TOR1AIP1: variants seen among roughly 807,000 people sequenced by gnomAD.
TOR1AIP1 encodes torsin-1A-interacting protein 1.
Under a neutral mutation model 63.3 loss-of-function variants are expected in TOR1AIP1, and 54 were observed. The observed-to-expected ratio is 0.85, with a 90% CI of 0.69 to 1.07. The LOEUF is 1.07. Ranked by LOEUF, TOR1AIP1 falls within the 50% of genes least tolerant of loss-of-function variation. The pLI is 0.00. For synonymous variants in TOR1AIP1, 294 were observed against 273.5 expected, an observed-to-expected ratio of 1.07 and a Z score of -0.74; for missense variants, 736 against 715.0, an observed-to-expected ratio of 1.03 and a Z score of -0.33.
At position 179,917,524 on chromosome 1, in the gene TOR1AIP1, C is replaced by T; in HGVS notation, c.1037C>T (p.Ala346Val). ...TGGTGGCTACTTCCTCTGATAGCTGCTCTTGCCTCTGGGAGTTTTTGGTTC... is the reference window on the plus strand; with the variant it reads ...TGGTGGCTACTTCCTCTGATAGCTGTTCTTGCCTCTGGGAGTTTTTGGTTC... ...NRWWLLPLIA[A>V]LASGSFWFFS... Residue 346 changes from alanine to valine, a missense_variant, in exon 10 of 10, where the codon GCT (alanine) becomes GTT (valine). This residue lies in a region of TOR1AIP1 where 272 missense variants were observed against 344.1 expected (regional missense o/e 0.79). Coordinates refer to ENST00000606911, the MANE Select transcript of TOR1AIP1 (RefSeq NM_015602.4). 6.2e-7 allele frequency: 1 copy of T among 1,614,060 alleles called. No homozygotes were observed. The highest frequency in any genetic ancestry group is 8.5e-7 in the Non-Finnish European group (1 of 1,180,020).
At chr1:179,895,225 T>G (rs1209973408) in intron 3 of TOR1AIP1, among the ~76,000 whole-genome samples, 1 of 152,264 alleles carries the variant, frequency 6.6e-6, no homozygotes, top group Non-Finnish European at 1.5e-5. Flanking sequence ...TCTTTAATAA[T>G]GTTTTAATAT....
Position 179,907,866 on chromosome 1 carries a change from T to C in TOR1AIP1, c.838+2T>C. On this transcript the variant is annotated splice_donor_variant, in intron 7 of 9. Transcript: ENST00000606911. LOFTEE classifies it high-confidence loss of function. ...ATGATAAGCAACCTTCAGTGCTAAGTAAGTAGTTGGTTGTCTGCTCTTTTT... is the reference window on the plus strand; with the variant it reads ...ATGATAAGCAACCTTCAGTGCTAAGCAAGTAGTTGGTTGTCTGCTCTTTTT... 2.6e-6 allele frequency: 4 copies of C among 1,567,970 alleles called. No homozygotes were observed. The highest frequency in any genetic ancestry group is 3.5e-6 in the Non-Finnish European group (4 of 1,155,352).
intron 2 of TOR1AIP1, among the ~76,000 whole-genome samples, chr1:179,886,311 T>C (rs1273617895): frequency 1.3e-5 from 2 of 152,218 alleles, no homozygotes; most frequent in South Asian, 2.1e-4. Flanking sequence ...TATAAAACTA[T>C]TAAGTAATAG....
At chr1:179,906,813 C>T (rs1425748024) in intron 6 of TOR1AIP1, among the ~76,000 whole-genome samples, 1 of 140,008 alleles carries the variant, frequency 7.1e-6, no homozygotes, top group Admixed American at 7.5e-5. Flanking sequence ...TCTCAGCTCA[C>T]TGCAAGCTCC....
chr1:179,899,190 C>T (rs924706847), intron 3 of TOR1AIP1, among the ~76,000 whole-genome samples: 1 of 151,816 alleles, frequency 6.6e-6, no homozygotes, highest in African/African-American at 2.4e-5. Flanking sequence ...CATGCTACTT[C>T]TCTACATATG....
chr1:179,905,194 G>A (rs1648589569), intron 6 of TOR1AIP1, among the ~76,000 whole-genome samples: 1 of 152,038 alleles, frequency 6.6e-6, no homozygotes, highest in African/African-American at 2.4e-5. Context: ...GGCCAACATG[G>A]TGAAACCCCG....
chr1:179,893,209 C>G (rs950915132), intron 3 of TOR1AIP1, among the ~76,000 whole-genome samples: 4 of 152,004 alleles, frequency 2.6e-5, no homozygotes, highest in Non-Finnish European at 5.9e-5. Flanking sequence ...CGCCATTGCA[C>G]TGCAGCCTGG....
intron 3 of TOR1AIP1, among the ~76,000 whole-genome samples, chr1:179,889,875 C>T (rs980805949): frequency 6.6e-6 from 1 of 152,084 alleles, no homozygotes; most frequent in African/African-American, 2.4e-5. Context: ...TGATCTCAAA[C>T]GCCTGGGTAA....
rs1558044572 is a variant in TOR1AIP1, at chr1:179,906,731, T to TC, written c.797-1092_797-1091insC. ...ATTTTGGAAAAATTACCAATTTTGG[T>TC]TCCCCCCCCCCCTTTTTTTTTTTTG... On this transcript the variant is annotated intron_variant, in intron 6 of 9. Coordinates refer to ENST00000606911, the MANE Select transcript of TOR1AIP1 (RefSeq NM_015602.4). 5.8e-3 allele frequency among the ~76,000 whole-genome samples: 290 copies of TC among 50,256 alleles called. 4 individuals are homozygous for TC. Among genetic ancestry groups the TC allele is most frequent in the African/African-American group, 0.017 (282 of 16,322 alleles). The allele number at this position is 50,256 out of a possible 152,430, so 33.0% of individuals were successfully genotyped here.
chr1:179,909,011 TA>T (rs1006729504), intron 8 of TOR1AIP1, among the ~76,000 whole-genome samples: 3 of 151,874 alleles, frequency 2.0e-5, no homozygotes, highest in African/African-American at 7.3e-5. Flanking sequence ...TAAAAATATT[TA>T]AAAAAGAAAA....
rs1334141032 is a variant in TOR1AIP1, at chr1:179,882,578, C to G, written c.76C>G (p.Arg26Gly). The stretch of plus-strand genomic sequence containing the variant: ...GTACGTCACCCCCAGGGCCCCCATC[C>G]GAGAGGGAAGGGGCCGGCTCGCCCC... ...GVYVTPRAPI[R>G]EGRGRLAPQN... Residue 26 changes from arginine to glycine, a missense_variant, in exon 1 of 10, where the codon CGA (arginine) becomes GGA (glycine). Transcript: ENST00000606911. 1.3e-6 allele frequency: 2 copies of G among 1,519,376 alleles called. No homozygotes were observed. The highest frequency in any genetic ancestry group is 1.8e-6 in the Non-Finnish European group (2 of 1,137,230). 94.1% of individuals were successfully genotyped at this position (1,519,376 alleles called of 1,614,324 possible).
chr1:179,886,458 G>T (rs868699373), intron 2 of TOR1AIP1, among the ~76,000 whole-genome samples: 2 of 152,274 alleles, frequency 1.3e-5, no homozygotes, highest in Non-Finnish European at 2.9e-5. Context: ...TGAGCCTTAG[G>T]CCTTTACCTG....
At position 179,914,064 on chromosome 1, in the gene TOR1AIP1, T is replaced by C; in HGVS notation, c.964+10T>C. On this transcript the variant is annotated intron_variant, in intron 9 of 9. Transcript: ENST00000606911. ...TCAACCTCCAGCCGACGTAAGTTTA[T>C]GTATTCAGTTTTTATTAAATATTTC... 2 of 1,610,168 alleles carry C rather than the reference T, an allele frequency of 1.2e-6. No individual in the cohort carries two copies. Among genetic ancestry groups the C allele is most frequent in the Non-Finnish European group, 1.7e-6 (2 of 1,178,112 alleles).
chr1:179,882,954 TG>T lies in TOR1AIP1; in HGVS notation c.453del (p.Arg152GlyfsTer17). 1 of 1,613,160 alleles carries T rather than the reference TG, an allele frequency of 6.2e-7. No homozygotes were observed. On this transcript the variant is annotated frameshift_variant, in exon 1 of 10. Transcript: ENST00000606911. LOFTEE classifies it high-confidence loss of function. ...TCTCCTGTTATGACCAGGAGAGGGCTGCGGGACTCTCATTCCTCTGAAGGTG... is the reference window on the plus strand; with the variant it reads ...TCTCCTGTTATGACCAGGAGAGGGCTCGGGACTCTCATTCCTCTGAAGGTG... Reference protein sequence around the residue: ...QPSPVMTRRGLRDSHSSEEDE... With the variant: ...QPSPVMTRRGXRDSHSSEEDE...
intron 1 of TOR1AIP1, 68 bp from the exon 2 acceptor site, chr1:179,884,624 A>G (rs1647858688): frequency 2.2e-6 from 3 of 1,335,574 alleles, no homozygotes; most frequent in African/African-American, 1.5e-5. Flanking sequence ...ACAAAAATGC[A>G]TAATCTGTGC....
At chr1:179,889,974 T>C (rs1476507485) in intron 3 of TOR1AIP1, among the ~76,000 whole-genome samples, 1 of 152,186 alleles carries the variant, frequency 6.6e-6, no homozygotes, top group Non-Finnish European at 1.5e-5. Flanking sequence ...TTCTTGTTTA[T>C]TTTTACTTAA....
At chr1:179,894,389 A>G (rs562212928) in intron 3 of TOR1AIP1, among the ~76,000 whole-genome samples, 1 of 152,224 alleles carries the variant, frequency 6.6e-6, no homozygotes, top group African/African-American at 2.4e-5. Context: ...CCCAGAGCAC[A>G]AGAAGAAAGG....
chr1:179,909,146 G>A (rs1431804206), intron 8 of TOR1AIP1, among the ~76,000 whole-genome samples: 1 of 151,884 alleles, frequency 6.6e-6, no homozygotes, highest in Non-Finnish European at 1.5e-5. Flanking sequence ...GGGCGACAGA[G>A]CGAGACTCCA....
intron 2 of TOR1AIP1, 35 bp downstream of exon 2, chr1:179,884,804 C>T (rs200367479): frequency 6.9e-5 from 103 of 1,494,076 alleles, no homozygotes; most frequent in Non-Finnish European, 8.7e-5. Flanking sequence ...TTCTCCTTAC[C>T]TACCAACTTT....
Sources: gnomAD v4.1 joint callset for allele counts (sites outside exome capture counted in the v4.1 genomes callset) on GRCh38, gnomAD v4.1.1 for gene constraint, gnomAD v4.1.1 regional missense constraint, MANE v1.5 for transcripts, NCBI Gene and HGNC (gene_info 2026-07-23, HGNC 2026-07-21) for gene names.